Variants in ERGIC3 observed in about 807,000 individuals in gnomAD.
The protein encoded by ERGIC3 is endoplasmic reticulum-Golgi intermediate compartment protein 3.
Under a neutral mutation model 54.7 loss-of-function variants are expected in ERGIC3, and 33 were observed. That is an observed-to-expected ratio of 0.60 (90% CI 0.46 to 0.81). The LOEUF is 0.81. Among genes scored for constraint, ERGIC3 ranks in the 30% least tolerant of loss-of-function variants. The pLI is 0.00. For missense variants in ERGIC3, 399 were observed against 488.4 expected, an observed-to-expected ratio of 0.82 and a Z score of 1.73; for synonymous variants, 186 against 189.8, an observed-to-expected ratio of 0.98 and a Z score of 0.16.
At chr20:35,544,589 A>T in intron 4 of ERGIC3, 1 of 264,416 alleles carries the variant, frequency 3.8e-6, no homozygotes, top group Non-Finnish European at 8.1e-6. Flanking sequence ...CGTGCCGCTC[A>T]TACGGGGCGA....
chr20:35,542,111 G>T lies in ERGIC3; in HGVS notation c.14G>T (p.Gly5Val). The change falls in exon 1 of 13, where the codon GGG becomes GTG. Residue 5 changes from glycine (G) to valine (V), a missense_variant. Coordinates refer to ENST00000348547, the MANE Select transcript of ERGIC3 (RefSeq NM_015966.3). MEALGKLKQFDAYPK... is the reference protein window; with the variant it reads MEALVKLKQFDAYPK... ...CGGCCGGTCCCCATGGAGGCGCTGG[G>T]GAAGCTGAAGCAGTTCGATGCCTAC... 1 of 1,552,646 alleles carries T rather than the reference G, an allele frequency of 6.4e-7. No homozygotes were observed. The highest frequency in any genetic ancestry group is 8.7e-7 in the Non-Finnish European group (1 of 1,149,872).
Position 35,542,580 on chromosome 20 carries a change from T to C in ERGIC3, c.227T>C (p.Phe76Ser). 6.2e-7 allele frequency: 1 copy of C among 1,613,994 alleles called. No homozygotes were observed. The highest frequency in any genetic ancestry group is 2.2e-5 in the East Asian group (1 of 44,870). The change falls in exon 3 of 13, where the codon TTT becomes TCT. Residue 76 changes from phenylalanine (F) to serine (S), a missense_variant. Physicochemically the swap from Phe to Ser is radical, Grantham distance 155. Transcript: ENST00000348547. ...DKLKINIDVLFPHMPCAYLSI... is the reference protein window; with the variant it reads ...DKLKINIDVLSPHMPCAYLSI... Reference sequence around the variant, plus strand: ...CTGAAGATCAACATCGATGTACTTTTTCCGCACATGCCTTGTGCCTGTGAG... The same window carrying C: ...CTGAAGATCAACATCGATGTACTTTCTCCGCACATGCCTTGTGCCTGTGAG...
intron 7 of ERGIC3, chr20:35,554,362 C>A (rs368993872): frequency 5.0e-6 from 8 of 1,614,096 alleles, no homozygotes; most frequent in Non-Finnish European, 4.2e-6. Context: ...CTCCCTCCCC[C>A]ATGCTGCAGT....
Position 35,556,046 on chromosome 20 carries a change from A to G in ERGIC3, c.731A>G (p.His244Arg). Residue 244 changes from histidine (H) to arginine (R), a missense_variant, in exon 9 of 13, where the codon CAC becomes CGC. Coordinates refer to ENST00000348547, the MANE Select transcript of ERGIC3 (RefSeq NM_015966.3). ...SFGLDNINMT[H>R]YIQHLSFGED... is the part of the protein sequence containing the mutation. The stretch of plus-strand genomic sequence containing the variant: ...TGTTGTTTACAGATCAACATGACCC[A>G]CTACATCCAGCACCTGTCATTTGGG... 6.2e-7 allele frequency: 1 copy of G among 1,614,118 alleles called. No homozygotes were observed. Among genetic ancestry groups the G allele is most frequent in the Non-Finnish European group, 8.5e-7 (1 of 1,180,004 alleles).
chr20:35,552,037 A>G (rs562430640), intron 7 of ERGIC3, among the ~76,000 whole-genome samples: 1 of 152,346 alleles, frequency 6.6e-6, no homozygotes, highest in East Asian at 1.9e-4. Context: ...GTGATGCTCC[A>G]GAGACGAGAC....
At chr20:35,553,571 C>G (rs2064694432) in intron 7 of ERGIC3, among the ~76,000 whole-genome samples, 2 of 149,074 alleles carry the variant, frequency 1.3e-5, no homozygotes. Flanking sequence ...GATGGCCTCT[C>G]AAAATGGTTG....
Position 35,542,189 on chromosome 20 carries a change from G to T in ERGIC3, c.88+4G>T. ...AAGACCTGCGGGGGCGCCACCGGTA[G>T]GCCGCAGCGGGGCCGGGGTCGCGTG... is the stretch of plus-strand genomic sequence containing the variant. On this transcript the variant is annotated splice_donor_region_variant and intron_variant, in intron 1 of 12. Coordinates refer to ENST00000348547, the MANE Select transcript of ERGIC3 (RefSeq NM_015966.3). 1.3e-6 allele frequency: 2 copies of T among 1,580,164 alleles called. No homozygotes were observed. Among genetic ancestry groups the T allele is most frequent in the Non-Finnish European group, 1.7e-6 (2 of 1,162,128 alleles).
At chr20:35,555,188 C>A in intron 8 of ERGIC3, 113 bp downstream of exon 8, 2 of 1,243,046 alleles carry the variant, frequency 1.6e-6, no homozygotes, top group Non-Finnish European at 2.4e-6. Context: ...GAAAAATACA[C>A]CACGTTCTGA....
intron 8 of ERGIC3, among the ~76,000 whole-genome samples, chr20:35,555,561 G>C (rs550805052): frequency 1.3e-5 from 2 of 152,150 alleles, no homozygotes; most frequent in African/African-American, 4.8e-5. Flanking sequence ...GGAAGGGAGT[G>C]TATCTGGGGG....
intron 10 of ERGIC3, 26 bp from the exon 11 acceptor site, chr20:35,556,947 T>A: frequency 6.2e-7 from 1 of 1,613,778 alleles, no homozygotes. Context: ...GCCCTAGCCC[T>A]GGCCCAGGCT....
chr20:35,555,198 A>C, intron 8 of ERGIC3, 123 bp downstream of exon 8: 1 of 1,147,150 alleles, frequency 8.7e-7, no homozygotes, highest in South Asian at 1.3e-5. Context: ...CCACGTTCTG[A>C]ATGGGGATCC....
rs1344446211 is a variant in ERGIC3, at chr20:35,556,270, A to T, written c.878A>T (p.Glu293Val). ...VPTVYMKVDG[E>V]VLRTNQFSVT... ...ACTGTGTACATGAAGGTGGACGGAG[A>T]GGTGAGTCAGGGAGCTCCCTACCAG... is the stretch of plus-strand genomic sequence containing the variant. Residue 293 changes from glutamate (E) to valine (V), a missense_variant and splice_region_variant, in exon 10 of 13, where the codon GAG becomes GTG. By Grantham distance (121) the Glu-to-Val change is moderately radical. Transcript: ENST00000348547. 1 of 1,613,952 alleles carries T rather than the reference A, an allele frequency of 6.2e-7. No homozygotes were observed. Among genetic ancestry groups the T allele is most frequent in the Admixed American group, 1.7e-5 (1 of 59,982 alleles).
intron 7 of ERGIC3, among the ~76,000 whole-genome samples, chr20:35,554,605 A>G (rs2064701281): frequency 6.6e-6 from 1 of 152,214 alleles, no homozygotes; most frequent in Admixed American, 6.5e-5. Flanking sequence ...AACAGTTGGT[A>G]CAGGGTCCCC....
At chr20:35,550,920 A>AT (rs1213555545) in intron 7 of ERGIC3, among the ~76,000 whole-genome samples, 2 of 152,172 alleles carry the variant, frequency 1.3e-5, no homozygotes, top group African/African-American at 4.8e-5. Context: ...TTCTGGATGT[A>AT]TTTTGAAGGT....
At chr20:35,552,056 G>A (rs1156528262) in intron 7 of ERGIC3, among the ~76,000 whole-genome samples, 1 of 152,194 alleles carries the variant, frequency 6.6e-6, no homozygotes, top group Admixed American at 6.5e-5. Context: ...ACAGTGACCG[G>A]AGTGAAGTCC....
intron 7 of ERGIC3, among the ~76,000 whole-genome samples, chr20:35,551,139 A>G (rs575291206): frequency 7.2e-5 from 11 of 152,106 alleles, no homozygotes; most frequent in Middle Eastern, 3.4e-3. Flanking sequence ...TAAAAAATGC[A>G]AAAAATCAGC....
At chr20:35,554,321 A>G (rs1202038862) in intron 7 of ERGIC3, 1 of 1,612,762 alleles carries the variant, frequency 6.2e-7, no homozygotes. Context: ...CATAGTTCTC[A>G]TTGTGAAGCT....
chr20:35,549,199 T>C (rs2064668450), intron 7 of ERGIC3: 1 of 481,780 alleles, frequency 2.1e-6, no homozygotes, highest in African/African-American at 2.0e-5. Context: ...GCACGGAGCC[T>C]GGCTTGTGGT....
At chr20:35,557,271 T>A in intron 12 of ERGIC3, 22 bp downstream of exon 12, 1 of 1,613,898 alleles carries the variant, frequency 6.2e-7, no homozygotes, top group Admixed American at 1.7e-5. Context: ...AGGGCGTCTG[T>A]GAGCTGTGGG....
Sources: allele counts gnomAD v4.1 joint callset (sites outside exome capture counted in the v4.1 genomes callset), GRCh38; gene constraint gnomAD v4.1.1; transcripts MANE v1.5; gene names NCBI Gene and HGNC (gene_info 2026-07-23, HGNC 2026-07-21).